SPON1: variants seen among roughly 807,000 people sequenced by gnomAD.
The protein encoded by SPON1 is spondin-1.
Under a neutral mutation model 111.7 loss-of-function variants are expected in SPON1, and 52 were observed. The observed-to-expected ratio is 0.47, with a 90% CI of 0.37 to 0.59. The LOEUF (loss-of-function observed/expected upper bound fraction) is 0.59, where lower values mean the gene tolerates loss of function less well. Ranked by LOEUF, SPON1 falls within the 20% of genes least tolerant of loss-of-function variation. The probability of loss-of-function intolerance (pLI) is 0.00; values close to 1 mark genes in which losing one functional copy is unlikely to be tolerated. For missense variants in SPON1, 957 were observed against 1,068.5 expected (o/e 0.90, Z 1.46); for synonymous variants, 410 against 395.8 (o/e 1.04, Z -0.43).
chr11:14,248,975 C>T (rs1318647190), intron 7 of SPON1, among the ~76,000 whole-genome samples: 4 of 152,190 alleles, frequency 2.6e-5, no homozygotes, highest in Non-Finnish European at 4.4e-5. Context: ...CTAGTTCCTC[C>T]GGTGCCTAAG....
At chr11:14,060,367 G>C (rs1168398069) in intron 3 of SPON1, among the ~76,000 whole-genome samples, 1 of 152,174 alleles carries the variant, frequency 6.6e-6, no homozygotes, top group Non-Finnish European at 1.5e-5. Flanking sequence ...CTTGACAAAT[G>C]GAAGGCAGGA....
At chr11:14,030,501 A>G (rs1402654768) in intron 2 of SPON1, among the ~76,000 whole-genome samples, 1 of 152,166 alleles carries the variant, frequency 6.6e-6, no homozygotes, top group Non-Finnish European at 1.5e-5. Flanking sequence ...GTGCTTCTCA[A>G]GTCTGGAAAG....
intron 3 of SPON1, among the ~76,000 whole-genome samples, chr11:14,058,729 T>C (rs934827940): frequency 6.6e-6 from 1 of 152,224 alleles, no homozygotes; most frequent in African/African-American, 2.4e-5. Context: ...AGCTGGGTAT[T>C]GCTCTAATTT....
chr11:14,165,421 A>T (rs1554931795), intron 6 of SPON1, among the ~76,000 whole-genome samples: 2 of 152,208 alleles, frequency 1.3e-5, no homozygotes, highest in Non-Finnish European at 2.9e-5. Context: ...TGAGAAGAGT[A>T]GAACCACTTT....
chr11:14,177,470 A>G (rs1011998665), intron 6 of SPON1, among the ~76,000 whole-genome samples: 1 of 152,028 alleles, frequency 6.6e-6, no homozygotes, highest in Admixed American at 6.6e-5. Context: ...TGGGGGCCAC[A>G]AGATCAATGA....
Position 14,079,891 on chromosome 11 carries a change from T to C in SPON1, c.554-8T>C. On this transcript the variant is annotated splice_region_variant and splice_polypyrimidine_tract_variant and intron_variant, in intron 4 of 15. Coordinates refer to ENST00000576479, the MANE Select transcript of SPON1 (RefSeq NM_006108.4). Reference sequence around the variant, plus strand: ...TTTCTAACTTGGTGACTTTTCTGACTGTTTCAGATTCCACATTTGATGGGG... The same window carrying C: ...TTTCTAACTTGGTGACTTTTCTGACCGTTTCAGATTCCACATTTGATGGGG... The C allele has an allele frequency of 6.2e-7, 1 of 1,613,998 alleles. No homozygotes were observed.
intron 5 of SPON1, among the ~76,000 whole-genome samples, chr11:14,081,225 G>A (rs1360198577): frequency 6.6e-6 from 1 of 151,964 alleles, no homozygotes; most frequent in South Asian, 2.1e-4. Context: ...CTCAACAAAC[G>A]CCTAACATGT....
At chr11:14,051,840 G>GT in intron 3 of SPON1, among the ~76,000 whole-genome samples, 1 of 152,160 alleles carries the variant, frequency 6.6e-6, no homozygotes, top group South Asian at 2.1e-4. Context: ...TATGCTAAAT[G>GT]CATTGCATGT....
Position 14,266,046 on chromosome 11 carries a change from AG to A in SPON1, c.*362del. 1 of 184,074 alleles carries A rather than the reference AG, an allele frequency of 5.4e-6. No homozygotes were observed. The highest frequency in any genetic ancestry group is 1.1e-5 in the Non-Finnish European group (1 of 87,292). The allele number at this position is 184,074 out of a possible 1,614,324, so 11.4% of individuals were successfully genotyped here. A position where few individuals can be genotyped will look rare whatever the true frequency, so the allele number is the denominator to read the frequency against. On this transcript the variant is annotated 3_prime_UTR_variant, in exon 16 of 16. Coordinates refer to ENST00000576479, the MANE Select transcript of SPON1 (RefSeq NM_006108.4). The stretch of plus-strand genomic sequence containing the variant: ...CTGGAAGTGACTATGCCTGAGTCCC[AG>A]GGTGCGGCAGGTAGGAAACATTCAC...
intron 6 of SPON1, among the ~76,000 whole-genome samples, chr11:14,233,732 A>G (rs1277714387): frequency 7.0e-6 from 1 of 143,572 alleles, no homozygotes; most frequent in Non-Finnish European, 1.5e-5. Flanking sequence ...ATCATGGTTG[A>G]GGAGTGTCCA....
chr11:14,151,837 T>A (rs1439923872), intron 6 of SPON1, among the ~76,000 whole-genome samples: 3 of 152,240 alleles, frequency 2.0e-5, no homozygotes, highest in Non-Finnish European at 4.4e-5. Flanking sequence ...CTTCAGATTC[T>A]ACCTCAACAT....
intron 6 of SPON1, among the ~76,000 whole-genome samples, chr11:14,159,636 G>C (rs1847887686): frequency 6.6e-6 from 1 of 152,058 alleles, no homozygotes; most frequent in Admixed American, 6.6e-5. Flanking sequence ...AATGACCAAA[G>C]TGTCCATCAA....
At chr11:14,235,348 T>C (rs545291592) in intron 6 of SPON1, among the ~76,000 whole-genome samples, 2 of 152,274 alleles carry the variant, frequency 1.3e-5, no homozygotes, top group South Asian at 4.1e-4. Flanking sequence ...CCTCGCCCTC[T>C]TGGAGCTTCC....
At chr11:14,008,492 A>G (rs1184308067) in intron 2 of SPON1, among the ~76,000 whole-genome samples, 2 of 151,962 alleles carry the variant, frequency 1.3e-5, no homozygotes, top group Non-Finnish European at 2.9e-5. Flanking sequence ...GGGTCACATC[A>G]CTTTTCCCAC....
At chr11:14,066,412 G>C (rs1554920361) in intron 3 of SPON1, among the ~76,000 whole-genome samples, 1 of 152,132 alleles carries the variant, frequency 6.6e-6, no homozygotes, top group African/African-American at 2.4e-5. Context: ...TGATAGTTTG[G>C]TTTAAAACAA....
At chr11:14,224,522 C>T (rs534260251) in intron 6 of SPON1, among the ~76,000 whole-genome samples, 1 of 152,254 alleles carries the variant, frequency 6.6e-6, no homozygotes, top group Non-Finnish European at 1.5e-5. Flanking sequence ...AGGCTGGTTC[C>T]TTTGCTTATT....
chr11:14,050,376 T>A (rs1213895699), intron 3 of SPON1, among the ~76,000 whole-genome samples: 3 of 152,100 alleles, frequency 2.0e-5, no homozygotes, highest in African/African-American at 7.2e-5. Flanking sequence ...GTAAATAAAG[T>A]TTTATTGGAA....
intron 3 of SPON1, among the ~76,000 whole-genome samples, chr11:14,046,249 A>G (rs560942802): frequency 2.8e-4 from 42 of 152,326 alleles, no homozygotes; most frequent in African/African-American, 9.9e-4. Context: ...AACTAGCCTC[A>G]GGTACCCCAA....
chr11:14,095,298 T>A (rs2133840629), intron 5 of SPON1, among the ~76,000 whole-genome samples: 1 of 152,176 alleles, frequency 6.6e-6, no homozygotes, highest in East Asian at 1.9e-4. Context: ...AGTGATACCA[T>A]ATGGACCATA....
Sources: gnomAD v4.1 joint callset for allele counts (sites outside exome capture counted in the v4.1 genomes callset) on GRCh38, gnomAD v4.1.1 for gene constraint, MANE v1.5 for transcripts, NCBI Gene and HGNC (gene_info 2026-07-23, HGNC 2026-07-21) for gene names.